FHOD1: variants seen among roughly 807,000 people sequenced by gnomAD.
The protein encoded by FHOD1 is FH1/FH2 domain-containing protein 1.
In FHOD1, 89 loss-of-function variants were observed where a neutral mutation model predicts 111.6. That is an observed-to-expected ratio of 0.80 (90% CI 0.67 to 0.95). FHOD1 has a LOEUF of 0.95. FHOD1 is among the 40% of genes least tolerant of loss of function. The pLI, the probability that FHOD1 is intolerant of heterozygous loss-of-function variation, is 0.00. For synonymous variants in FHOD1, 618 were observed against 639.0 expected, an observed-to-expected ratio of 0.97 and a Z score of 0.50; for missense variants, 1,446 against 1,554.2, an observed-to-expected ratio of 0.93 and a Z score of 1.17.
intron 1 of FHOD1, among the ~76,000 whole-genome samples, chr16:67,246,168 TG>T (rs1019611130): frequency 6.6e-6 from 1 of 152,144 alleles, no homozygotes; most frequent in Admixed American, 6.5e-5. Context: ...GAATGCGGGC[TG>T]GGGGCCCGGG....
Position 67,231,896 on chromosome 16 carries a change from G to C in FHOD1, c.2203-77C>G. The C allele has an allele frequency of 1.9e-6, 3 of 1,545,096 alleles. No individual in the cohort carries two copies. Among genetic ancestry groups the C allele is most frequent in the Non-Finnish European group, 2.6e-6 (3 of 1,139,742 alleles). On this transcript the variant is annotated intron_variant, in intron 14 of 21. Transcript: ENST00000258201. The surrounding 1 kb of genome is among the most constrained non-coding windows in gnomAD (Gnocchi z 4.3). ...CTGAGGCATTGGTCTTGACCCCTCA[G>C]TCATCTAGGGGAGGCCCCAGTGTCT...
chr16:67,245,860 T>C (rs979379356), intron 1 of FHOD1, among the ~76,000 whole-genome samples: 5 of 152,110 alleles, frequency 3.3e-5, no homozygotes, highest in African/African-American at 7.2e-5. Flanking sequence ...ATCCGGACTT[T>C]AGGAGCCTGG....
intron 1 of FHOD1, among the ~76,000 whole-genome samples, chr16:67,244,270 G>C (rs956796841): frequency 6.6e-6 from 1 of 152,158 alleles, no homozygotes; most frequent in Non-Finnish European, 1.5e-5. Flanking sequence ...TATCGGAGAG[G>C]CTCCTGAGAC....
rs2034717623 is a variant in FHOD1, at chr16:67,243,271, G to A, written c.202-3817C>T. ...CTGTTATCGCAGGTCTCCAACTAGA[G>A]TGTGACTTCCTGAATGAGATGACAA... On this transcript the variant is annotated intron_variant, in intron 1 of 21. Transcript: ENST00000258201. 2.0e-5 allele frequency among the ~76,000 whole-genome samples: 3 copies of A among 152,242 alleles called. No individual in the cohort carries two copies. The South Asian group carries it at 6.2e-4, about 32-fold the overall frequency.
chr16:67,242,862 TTCTC>T (rs923154555), intron 1 of FHOD1, among the ~76,000 whole-genome samples: 4 of 152,054 alleles, frequency 2.6e-5, no homozygotes, highest in Non-Finnish European at 5.9e-5. Flanking sequence ...TGGCATCTAC[TTCTC>T]TCTCTCTTTC....
chr16:67,233,645 G>T lies in FHOD1; in HGVS notation c.2046+12C>A, dbSNP rs2034360235. 2.5e-6 allele frequency: 4 copies of T among 1,580,174 alleles called. No individual in the cohort carries two copies. Among genetic ancestry groups the T allele is most frequent in the Non-Finnish European group, 3.5e-6 (4 of 1,157,366 alleles). ...CCTCCCTTGGGGCTACCTTGCAGAT[G>T]AGTGGATTTACCTTGGAGGGCAGCA... On this transcript the variant is annotated intron_variant, in intron 13 of 21. Transcript: ENST00000258201.
intron 1 of FHOD1, among the ~76,000 whole-genome samples, chr16:67,243,203 T>G (rs1180795592): frequency 6.6e-6 from 1 of 152,004 alleles, no homozygotes; most frequent in African/African-American, 2.4e-5. Context: ...TTTGTCTCCT[T>G]TCCTATAAAC....
chr16:67,244,179 G>A (rs1359372860), intron 1 of FHOD1, among the ~76,000 whole-genome samples: 1 of 152,120 alleles, frequency 6.6e-6, no homozygotes, highest in African/African-American at 2.4e-5. Flanking sequence ...CTTTGCAGCA[G>A]GGTCAGAGAA....
At chr16:67,235,775 T>C (rs958288261) in intron 11 of FHOD1, among the ~76,000 whole-genome samples, 2 of 152,124 alleles carry the variant, frequency 1.3e-5, no homozygotes, top group African/African-American at 2.4e-5. Context: ...CCAGGTTGGG[T>C]GTCCACATCC....
chr16:67,241,676 C>T (rs952320099), intron 1 of FHOD1, among the ~76,000 whole-genome samples: 24 of 152,202 alleles, frequency 1.6e-4, no homozygotes, highest in African/African-American at 5.3e-4. Flanking sequence ...AAAAAGCTCA[C>T]AAATGAATGT....
At chr16:67,246,736 C>T (rs1424192077) in intron 1 of FHOD1, among the ~76,000 whole-genome samples, 1 of 152,202 alleles carries the variant, frequency 6.6e-6, no homozygotes, top group African/African-American at 2.4e-5. Context: ...AGGGTCAAGC[C>T]CCAATCCAGC....
At position 67,231,756 on chromosome 16, in the gene FHOD1, T is replaced by A; in HGVS notation, c.2266A>T (p.Asn756Tyr). 1.2e-6 allele frequency: 2 copies of A among 1,614,002 alleles called. No individual in the cohort carries two copies. Among genetic ancestry groups the A allele is most frequent in the Non-Finnish European group, 1.7e-6 (2 of 1,179,992 alleles). Residue 756 changes from asparagine (N) to tyrosine (Y), a missense_variant, in exon 15 of 22, where the codon AAC (asparagine) becomes TAC (tyrosine). Asn to Tyr is a moderately radical substitution (Grantham distance 143, BLOSUM62 -2). This residue lies in a region of FHOD1 where 1,085 missense variants were observed against 1,108.8 expected (regional missense o/e 0.98). Coordinates refer to ENST00000258201, the MANE Select transcript of FHOD1 (RefSeq NM_013241.3). This position sits in a 1 kb window ranked among gnomAD's most constrained non-coding sequence, Gnocchi z 4.3. ...GCTGGGCCCAGGGGTATGTCAGGGT[T>A]GGCCAGCTGGGCTTCCTCAATCTTC... ...RQKIEEAQLA[N>Y]PDIPLGPAEN...
Position 67,231,526 on chromosome 16 carries a change from G to A in FHOD1, c.2409C>T (p.Asp803=). ...MEREIAEPLF[D]LKVGMEQLVQ... ...CCAGCTGTTCCATACCCACTTTCAG[G>A]TCAAACAGTGGCTCAGCAATTTCCT... is the stretch of plus-strand genomic sequence containing the variant. Residue 803 remains aspartate, a synonymous_variant, in exon 16 of 22, where the codon GAC becomes GAT. Coordinates refer to ENST00000258201, the MANE Select transcript of FHOD1 (RefSeq NM_013241.3). This position sits in a 1 kb window ranked among gnomAD's most constrained non-coding sequence, Gnocchi z 4.3. The A allele has an allele frequency of 6.2e-7, 1 of 1,614,132 alleles. No individual in the cohort carries two copies. Among genetic ancestry groups the A allele is most frequent in the Non-Finnish European group, 8.5e-7 (1 of 1,180,030 alleles).
chr16:67,230,327 C>T lies in FHOD1; in HGVS notation c.3038G>A (p.Arg1013His), dbSNP rs773436492. The T allele has an allele frequency of 5.6e-6, 9 of 1,614,208 alleles. No homozygotes were observed. The highest frequency in any genetic ancestry group is 4.5e-5 in the East Asian group (2 of 44,886). Residue 1013 changes from arginine (R) to histidine (H), a missense_variant, in exon 19 of 22, where the codon CGC (arginine) becomes CAC (histidine). By Grantham distance (29) the Arg-to-His change is conservative. Around this residue, in one of 3 missense-constraint regions of FHOD1, gnomAD observed 1,085 missense variants for 1,108.8 expected, o/e 0.98. Coordinates refer to ENST00000258201, the MANE Select transcript of FHOD1 (RefSeq NM_013241.3). ...AAGGGCACCCACCTCGGTGATCATG[C>T]GTCCCCGGGTCTTGTTGCGCTCACG... The part of the protein sequence containing the change: ...TYRERNKTRG[R>H]MITETEKFSG...
Position 67,229,657 on chromosome 16 carries a change from C to G in FHOD1, c.3474G>C (p.Lys1158Asn). Residue 1158 changes from lysine to asparagine, a missense_variant, in exon 22 of 22, where the codon AAG (lysine) becomes AAC (asparagine). Lys to Asn is a moderately conservative substitution (Grantham distance 94). Around this residue, in one of 3 missense-constraint regions of FHOD1, gnomAD observed 1,085 missense variants for 1,108.8 expected, o/e 0.98. Transcript: ENST00000258201. ...ACCTTCACACCTCCAGGCCAGGACCCTTGCTTAGTCCCAGTGCCTGCACCA... is the reference window on the plus strand; with the variant it reads ...ACCTTCACACCTCCAGGCCAGGACCGTTGCTTAGTCCCAGTGCCTGCACCA... ...DDLVQALGLS[K>N]GPGLEV The G allele has an allele frequency of 6.2e-7, 1 of 1,614,188 alleles. No individual in the cohort carries two copies. The highest frequency in any genetic ancestry group is 8.5e-7 in the Non-Finnish European group (1 of 1,180,022).
At position 67,231,013 on chromosome 16, in the gene FHOD1, G is replaced by A; in HGVS notation, c.2667+175C>T. ...AAACAGACCCAAAGACTGAGTAGGTGTGGCCAGGCCAATAGAGGAAAGAGC... is the reference window on the plus strand; with the variant it reads ...AAACAGACCCAAAGACTGAGTAGGTATGGCCAGGCCAATAGAGGAAAGAGC... On this transcript the variant is annotated intron_variant, in intron 17 of 21. Transcript: ENST00000258201. The surrounding 1 kb of genome is among the most constrained non-coding windows in gnomAD (Gnocchi z 4.3). 1 of 912,296 alleles carries A rather than the reference G, an allele frequency of 1.1e-6. No individual in the cohort carries two copies. Among genetic ancestry groups the A allele is most frequent in the Non-Finnish European group, 1.6e-6 (1 of 613,948 alleles). The allele number at this position is 912,296 out of a possible 1,614,324, so 56.5% of individuals were successfully genotyped here.
chr16:67,232,237 G>C, intron 13 of FHOD1, 43 bp from the exon 14 acceptor site: 2 of 1,605,524 alleles, frequency 1.2e-6, no homozygotes, highest in Non-Finnish European at 1.7e-6. Context: ...GAGGAAGGGG[G>C]CCTGACGCGG....
In FHOD1 at chr16:67,231,499, T is replaced by C; in HGVS notation, c.2436A>G (p.Val812=). ...FDLKVGMEQL[V]QNATFRCILA... is the part of the protein sequence containing the mutation. ...GGATGCAGCGGAAGGTGGCATTCTG[T>C]ACCAGCTGTTCCATACCCACTTTCA... Residue 812 remains valine, a synonymous_variant, in exon 16 of 22, where the codon GTA becomes GTG. Coordinates refer to ENST00000258201, the MANE Select transcript of FHOD1 (RefSeq NM_013241.3). The surrounding 1 kb of genome is among the most constrained non-coding windows in gnomAD (Gnocchi z 4.3). 2 of 1,614,174 alleles carry C rather than the reference T, an allele frequency of 1.2e-6. No homozygotes were observed. The highest frequency in any genetic ancestry group is 1.7e-6 in the Non-Finnish European group (2 of 1,180,024).
Position 67,234,249 on chromosome 16 carries a change from T to G in FHOD1, c.1454A>C (p.Asp485Ala), listed in dbSNP as rs1597320986. 6.4e-7 allele frequency: 1 copy of G among 1,557,138 alleles called. No homozygotes were observed. Among genetic ancestry groups the G allele is most frequent in the Non-Finnish European group, 8.7e-7 (1 of 1,148,390 alleles). Residue 485 changes from aspartate to alanine, a missense_variant, in exon 13 of 22, where the codon GAC (aspartate) becomes GCC (alanine). By Grantham distance (126) the Asp-to-Ala change is moderately radical. Coordinates refer to ENST00000258201, the MANE Select transcript of FHOD1 (RefSeq NM_013241.3). ...GGHPDARQLW[D>A]SPETAPAART... The stretch of plus-strand genomic sequence containing the variant: ...GGCTGCAGGGGCTGTCTCTGGGGAG[T>G]CCCAGAGTTGCCGGGCATCTAAAGA...
Sources: allele counts gnomAD v4.1 joint callset (sites outside exome capture counted in the v4.1 genomes callset), GRCh38; gene constraint gnomAD v4.1.1; regional missense constraint gnomAD v4.1.1; non-coding constraint Gnocchi (gnomAD v3.1); transcripts MANE v1.5; gene names NCBI Gene and HGNC (gene_info 2026-07-23, HGNC 2026-07-21).